The following PSMA8 variants were observed in gnomAD, a reference collection of about 807,000 sequenced individuals.
The protein encoded by PSMA8 is proteasome 20S subunit alpha 8, also known as proteasome subunit alpha-type 8.
In PSMA8, 18 loss-of-function variants were observed where a neutral mutation model predicts 32.4. That is an observed-to-expected ratio of 0.56 (90% CI 0.38 to 0.82). The LOEUF (loss-of-function observed/expected upper bound fraction) is 0.82, where lower values mean the gene tolerates loss of function less well. Among genes scored for constraint, PSMA8 ranks in the 40% least tolerant of loss-of-function variants. PSMA8 has a pLI of 0.00. For synonymous variants in PSMA8, 104 were observed against 98.1 expected (o/e 1.06, Z -0.36); for missense variants, 298 against 300.7 (o/e 0.99, Z 0.07).
At chr18:26,177,074 G>A (rs970748926) in intron 4 of PSMA8, among the ~76,000 whole-genome samples, 2 of 152,194 alleles carry the variant, frequency 1.3e-5, no homozygotes, top group South Asian at 4.1e-4. Flanking sequence ...GCAGCATAGT[G>A]TATCAAGTTA....
At chr18:26,177,897 T>C (rs2055276479) in intron 4 of PSMA8, among the ~76,000 whole-genome samples, 1 of 152,192 alleles carries the variant, frequency 6.6e-6, no homozygotes, top group African/African-American at 2.4e-5. Context: ...CCTCTCCACA[T>C]CTTTTCAAGT....
chr18:26,145,203 C>G (rs1397286064), intron 2 of PSMA8, among the ~76,000 whole-genome samples: 1 of 152,156 alleles, frequency 6.6e-6, no homozygotes, highest in East Asian at 1.9e-4. Flanking sequence ...ACTGCAACCT[C>G]CACCTCCCGG....
At position 26,134,010 on chromosome 18, in the gene PSMA8, C is replaced by T. The variant is rs1475300466; in HGVS notation, c.45C>T (p.Asp15=). Residue 15 remains aspartate (D), a synonymous_variant, in exon 1 of 7, where the codon GAC becomes GAT. Transcript: ENST00000415576. ...GGGCGATCACTGTCTTCTCCCCAGACGGACACCTTTTTCAAGTTGAATATG... is the reference window on the plus strand; with the variant it reads ...GGGCGATCACTGTCTTCTCCCCAGATGGACACCTTTTTCAAGTTGAATATG... ...YDRAITVFSP[D]GHLFQVEYAQ... is the part of the protein sequence containing the mutation. 6.2e-7 allele frequency: 1 copy of T among 1,613,970 alleles called. No homozygotes were observed. The highest frequency in any genetic ancestry group is 1.3e-5 in the African/African-American group (1 of 74,918).
At chr18:26,188,260 A>G (rs1402792049) in intron 6 of PSMA8, among the ~76,000 whole-genome samples, 1 of 151,964 alleles carries the variant, frequency 6.6e-6, no homozygotes, top group Non-Finnish European at 1.5e-5. Context: ...AACCTAACAT[A>G]TCAAAACATA....
At chr18:26,188,520 A>T (rs1024064360) in intron 6 of PSMA8, among the ~76,000 whole-genome samples, 2 of 152,154 alleles carry the variant, frequency 1.3e-5, no homozygotes, top group Admixed American at 6.5e-5. Flanking sequence ...ACCTCAAAAG[A>T]CCCAGAAGAG....
At chr18:26,184,501 G>A (rs530155146) in intron 6 of PSMA8, among the ~76,000 whole-genome samples, 9 of 150,004 alleles carry the variant, frequency 6.0e-5, no homozygotes, top group Admixed American at 2.7e-4. Flanking sequence ...GGCCGGGCGC[G>A]GTGGCTCACG....
chr18:26,163,655 G>C (rs1219332026), intron 4 of PSMA8, among the ~76,000 whole-genome samples: 1 of 152,180 alleles, frequency 6.6e-6, no homozygotes, highest in East Asian at 1.9e-4. Context: ...TTCAGAGGTA[G>C]GGGGCTAGAT....
chr18:26,149,678 T>C (rs2055030191), intron 2 of PSMA8, among the ~76,000 whole-genome samples: 1 of 152,124 alleles, frequency 6.6e-6, no homozygotes, highest in Non-Finnish European at 1.5e-5. Context: ...GACTACTCAG[T>C]AGGGGAAAAG....
At chr18:26,140,043 A>G (rs1208131048) in intron 1 of PSMA8, 2 of 702,832 alleles carry the variant, frequency 2.8e-6, no homozygotes, top group Non-Finnish European at 2.6e-6. Context: ...TTCCTTTGGT[A>G]GTATCATGTT....
Position 26,151,934 on chromosome 18 carries a change from C to T in PSMA8, c.306C>T (p.Asp102=). The change falls in exon 3 of 7, where the codon GAC becomes GAT. Residue 102 remains aspartate (D), a synonymous_variant. Coordinates refer to ENST00000415576, the MANE Select transcript of PSMA8 (RefSeq NM_001025096.2). ...ECQSHKLTVE[D]PVTVEYITRF... ...AGAGCCATAAGCTTACGGTTGAGGA[C>T]CCAGTCACTGTAGAATACATAACTC... 21 of 1,612,224 alleles carry T rather than the reference C, an allele frequency of 1.3e-5. No individual in the cohort carries two copies. Among genetic ancestry groups the T allele is most frequent in the Non-Finnish European group, 1.7e-5 (20 of 1,179,318 alleles).
chr18:26,165,298 G>A (rs1383318961), intron 4 of PSMA8, among the ~76,000 whole-genome samples: 1 of 152,240 alleles, frequency 6.6e-6, no homozygotes, highest in East Asian at 1.9e-4. Flanking sequence ...AAATGTGTGT[G>A]TATGCGTGCG....
chr18:26,178,732 G>A, intron 4 of PSMA8, 98 bp from the exon 5 acceptor site: 2 of 1,025,644 alleles, frequency 1.9e-6, no homozygotes, highest in Non-Finnish European at 1.4e-6. Flanking sequence ...TTTTATTAAG[G>A]TATACTGGAG....
At chr18:26,170,748 A>G in intron 4 of PSMA8, 1 of 1,535,534 alleles carries the variant, frequency 6.5e-7, no homozygotes, top group Middle Eastern at 1.7e-4. Context: ...ATATACTTCA[A>G]ATTTGTACTT....
intron 1 of PSMA8, 96 bp downstream of exon 1, chr18:26,134,163 A>C: frequency 3.6e-5 from 29 of 814,840 alleles, no homozygotes; most frequent in East Asian, 7.6e-5. Context: ...CTAGGAGCTC[A>C]AGAGAGGAGA....
chr18:26,163,245 A>ATG (rs2055151993), intron 4 of PSMA8, among the ~76,000 whole-genome samples: 2 of 122,448 alleles, frequency 1.6e-5, no homozygotes, highest in African/African-American at 3.4e-5. Flanking sequence ...ATATATATAT[A>ATG]TATATATATA....
intron 3 of PSMA8, among the ~76,000 whole-genome samples, chr18:26,153,603 T>C (rs981985030): frequency 6.6e-6 from 1 of 152,230 alleles, no homozygotes; most frequent in African/African-American, 2.4e-5. Context: ...TTTCCACCTA[T>C]TGGTTTGCTG....
rs1486852788 is a variant in PSMA8 at position 26,144,703 on chromosome 18, A to G, written c.229+18A>G. 2.5e-6 allele frequency: 4 copies of G among 1,612,338 alleles called. No homozygotes were observed. Among genetic ancestry groups the G allele is most frequent in the Non-Finnish European group, 3.4e-6 (4 of 1,178,824 alleles). ...TTTTGCAGGTACTTAAGGTCCTACA[A>G]TAATGATGCATAGTGTCTTACTGTA... is the stretch of plus-strand genomic sequence containing the variant. On this transcript the variant is annotated intron_variant, in intron 2 of 6. Coordinates refer to ENST00000415576, the MANE Select transcript of PSMA8 (RefSeq NM_001025096.2).
At chr18:26,134,579 A>G (rs1329142853) in intron 1 of PSMA8, among the ~76,000 whole-genome samples, 1 of 152,132 alleles carries the variant, frequency 6.6e-6, no homozygotes, top group Non-Finnish European at 1.5e-5. Context: ...CTGCTCCCCA[A>G]ATACGGACTA....
intron 2 of PSMA8, among the ~76,000 whole-genome samples, chr18:26,151,392 C>T (rs2055044432): frequency 6.6e-6 from 1 of 152,204 alleles, no homozygotes; most frequent in South Asian, 2.1e-4. Flanking sequence ...TGTCTCCTTA[C>T]AGAAGTGTTG....
Sources: allele counts gnomAD v4.1 joint callset (sites outside exome capture counted in the v4.1 genomes callset), GRCh38; gene constraint gnomAD v4.1.1; transcripts MANE v1.5; gene names NCBI Gene and HGNC (gene_info 2026-07-23, HGNC 2026-07-21).